RALYL: variants seen among roughly 807,000 people sequenced by gnomAD.
RALYL encodes the protein RNA-binding Raly-like protein.
In RALYL, 29 loss-of-function variants were observed where a neutral mutation model predicts 35.1. That is an observed-to-expected ratio of 0.83 (90% CI 0.61 to 1.13). The LOEUF (loss-of-function observed/expected upper bound fraction) is 1.13, where lower values mean the gene tolerates loss of function less well. Ranked by LOEUF, RALYL falls within the 50% of genes most tolerant of loss-of-function variation. RALYL has a pLI of 0.00. For missense variants in RALYL, 359 were observed against 360.4 expected, an observed-to-expected ratio of 1.00 and a Z score of 0.03; for synonymous variants, 120 against 127.6, an observed-to-expected ratio of 0.94 and a Z score of 0.40.
At chr8:84,835,399 G>A (rs1041662265) in intron 4 of RALYL, among the ~76,000 whole-genome samples, 6 of 151,586 alleles carry the variant, frequency 4.0e-5, no homozygotes, top group African/African-American at 1.5e-4. Context: ...TGGGCACGGG[G>A]GCTCACGCCT....
chr8:84,215,098 G>A (rs1009708697), intron 1 of RALYL, among the ~76,000 whole-genome samples: 1 of 151,712 alleles, frequency 6.6e-6, no homozygotes, highest in Non-Finnish European at 1.5e-5. Context: ...GTAGAGATGG[G>A]GTTTTGAGGG....
At position 84,876,107 on chromosome 8, in the gene RALYL, G is replaced by T. The variant is rs563868385; in HGVS notation, c.685+2710G>T. 6.6e-5 allele frequency among the ~76,000 whole-genome samples: 10 copies of T among 152,174 alleles called. No individual in the cohort carries two copies. In the South Asian group the frequency reaches 2.1e-3, roughly 32 times the overall value. The stretch of plus-strand genomic sequence containing the variant: ...TATACCTTAAATTGCTCAAATAGAT[G>T]TGTGTGTGGTGTCCTGTCATTTGAG... On this transcript the variant is annotated intron_variant, in intron 7 of 8. Coordinates refer to ENST00000521268, the MANE Select transcript of RALYL (RefSeq NM_173848.7).
chr8:84,312,900 G>A (rs1004205391), intron 1 of RALYL, among the ~76,000 whole-genome samples: 1 of 152,248 alleles, frequency 6.6e-6, no homozygotes, highest in African/African-American at 2.4e-5. Flanking sequence ...TGGGGATCCT[G>A]TGTGGGGACT....
At chr8:84,335,708 CCT>C (rs1847658681) in intron 1 of RALYL, among the ~76,000 whole-genome samples, 1 of 56,574 alleles carries the variant, frequency 1.8e-5, no homozygotes, top group African/African-American at 1.4e-4. Flanking sequence ...TGTTTTCTTA[CCT>C]TTTTTTTTTT....
At chr8:84,625,570 C>T (rs914301036) in intron 2 of RALYL, among the ~76,000 whole-genome samples, 1 of 152,122 alleles carries the variant, frequency 6.6e-6, no homozygotes, top group Non-Finnish European at 1.5e-5. Context: ...TTTCTAAGTG[C>T]TTTATTATTT....
chr8:84,874,355 C>T (rs1248447689), intron 7 of RALYL, among the ~76,000 whole-genome samples: 2 of 152,148 alleles, frequency 1.3e-5, no homozygotes, highest in East Asian at 1.9e-4. Context: ...AACAAAGGCT[C>T]AGGAAAGTAA....
At chr8:84,296,533 G>A (rs1586036124) in intron 1 of RALYL, among the ~76,000 whole-genome samples, 1 of 151,120 alleles carries the variant, frequency 6.6e-6, no homozygotes, top group East Asian at 1.9e-4. Context: ...AGTTTGCAGA[G>A]CTCTGCATGC....
chr8:84,193,750 A>G (rs1814544763), intron 1 of RALYL, among the ~76,000 whole-genome samples: 1 of 152,206 alleles, frequency 6.6e-6, no homozygotes, highest in Non-Finnish European at 1.5e-5. Flanking sequence ...CACTTTAGTC[A>G]ACACAGTTAC....
At chr8:84,210,569 C>T (rs542324105) in intron 1 of RALYL, among the ~76,000 whole-genome samples, 1 of 151,960 alleles carries the variant, frequency 6.6e-6, no homozygotes, top group Non-Finnish European at 1.5e-5. Flanking sequence ...AAGTATAAAT[C>T]GCCTGCTCTT....
At chr8:84,661,002 C>T (rs1830794259) in intron 2 of RALYL, among the ~76,000 whole-genome samples, 1 of 152,076 alleles carries the variant, frequency 6.6e-6, no homozygotes, top group South Asian at 2.1e-4. Context: ...AATCTCGGCT[C>T]ACTGCAAGCT....
At chr8:84,869,465 TA>T (rs113056755) in intron 6 of RALYL, among the ~76,000 whole-genome samples, 3 of 152,324 alleles carry the variant, frequency 2.0e-5, no homozygotes, top group African/African-American at 7.2e-5. Context: ...TTCAGTTTTC[TA>T]AATAGTTGAT....
At chr8:84,868,128 T>C (rs2135157844) in intron 6 of RALYL, among the ~76,000 whole-genome samples, 1 of 152,286 alleles carries the variant, frequency 6.6e-6, no homozygotes. Flanking sequence ...GGGACCTATA[T>C]ACCCATGGCT....
chr8:84,200,577 T>A (rs984690486), intron 1 of RALYL, among the ~76,000 whole-genome samples: 1 of 152,134 alleles, frequency 6.6e-6, no homozygotes, highest in Non-Finnish European at 1.5e-5. Flanking sequence ...TTTTAACTGT[T>A]AACTAAACCA....
At chr8:84,633,373 C>A (rs975268620) in intron 2 of RALYL, among the ~76,000 whole-genome samples, 1 of 151,578 alleles carries the variant, frequency 6.6e-6, no homozygotes, top group Non-Finnish European at 1.5e-5. Flanking sequence ...TCCTTTCCCC[C>A]CTGACTTTAA....
At chr8:84,795,985 T>C (rs1445228723) in intron 3 of RALYL, among the ~76,000 whole-genome samples, 2 of 152,198 alleles carry the variant, frequency 1.3e-5, no homozygotes, top group Non-Finnish European at 2.9e-5. Flanking sequence ...ATAATCTTTG[T>C]GTATTCATCA....
intron 1 of RALYL, among the ~76,000 whole-genome samples, chr8:84,348,025 A>T (rs982672079): frequency 6.6e-6 from 1 of 152,102 alleles, no homozygotes; most frequent in African/African-American, 2.4e-5. Flanking sequence ...GCATGGTGGG[A>T]CAAGACATTT....
At chr8:84,813,875 G>A (rs796200062) in intron 4 of RALYL, among the ~76,000 whole-genome samples, 4 of 152,098 alleles carry the variant, frequency 2.6e-5, no homozygotes, top group African/African-American at 9.6e-5. Flanking sequence ...TCATTTACAG[G>A]AGGTGTATCT....
At chr8:84,361,475 G>GCTGT (rs1320753516) in intron 1 of RALYL, among the ~76,000 whole-genome samples, 1 of 152,200 alleles carries the variant, frequency 6.6e-6, no homozygotes, top group Admixed American at 6.6e-5. Context: ...TGAGCATGCT[G>GCTGT]CTGTGGAGGA....
At chr8:84,632,583 CTGTGTGTGTGTG>C (rs112708469) in intron 2 of RALYL, among the ~76,000 whole-genome samples, 2 of 145,176 alleles carry the variant, frequency 1.4e-5, no homozygotes, top group African/African-American at 5.0e-5. Flanking sequence ...TTATATAGAC[CTGTGTGTGTGTG>C]TGTGTGTGTG....
Sources: gnomAD v4.1 joint callset for allele counts (sites outside exome capture counted in the v4.1 genomes callset) on GRCh38, gnomAD v4.1.1 for gene constraint, MANE v1.5 for transcripts, NCBI Gene and HGNC (gene_info 2026-07-23, HGNC 2026-07-21) for gene names.